Variants in PTPRN2 observed in about 807,000 individuals in gnomAD.
PTPRN2 encodes protein tyrosine phosphatase receptor type N2.
Under a neutral mutation model 118.8 loss-of-function variants are expected in PTPRN2, and 74 were observed. That is an observed-to-expected ratio of 0.62 (90% confidence interval 0.52 to 0.76). The LOEUF (loss-of-function observed/expected upper bound fraction) is 0.76, where lower values mean the gene tolerates loss of function less well. Ranked by LOEUF, PTPRN2 falls within the 30% of genes least tolerant of loss-of-function variation. The probability of loss-of-function intolerance (pLI) is 0.00; values close to 1 mark genes in which losing one functional copy is unlikely to be tolerated. For synonymous variants in PTPRN2, 641 were observed against 608.0 expected (o/e 1.05, Z -0.80); for missense variants, 1,481 against 1,394.4 (o/e 1.06, Z -0.99).
At position 158,327,324 on chromosome 7, in the gene PTPRN2, T is replaced by C. The variant is rs888767566; in HGVS notation, c.164-10392A>G. On this transcript the variant is annotated intron_variant, in intron 2 of 22. Coordinates refer to ENST00000389418, the MANE Select transcript of PTPRN2 (RefSeq NM_002847.5). ...ATTCTCACACATACACATTCTCACA[T>C]GCACACACGTGCTCACACATGCTCA... Among the ~76,000 whole-genome samples, 6 of 148,394 alleles carry C rather than the reference T, an allele frequency of 4.0e-5. No individual in the cohort carries two copies. In the East Asian group the frequency reaches 1.0e-3, roughly 25 times the overall value.
rs949255652 is a variant in PTPRN2 at position 158,248,239 on chromosome 7, T to C, written c.278-42966A>G. Reference sequence around the variant, plus strand: ...CTCAAACCATCGGGCTGGAGGCAAATGTCAGAGGAGAAAAGCCTTTGCTTT... The same window carrying C: ...CTCAAACCATCGGGCTGGAGGCAAACGTCAGAGGAGAAAAGCCTTTGCTTT... On this transcript the variant is annotated intron_variant, in intron 3 of 22. Coordinates refer to ENST00000389418, the MANE Select transcript of PTPRN2 (RefSeq NM_002847.5). Among the ~76,000 whole-genome samples, 9 of 152,142 alleles carry C rather than the reference T, an allele frequency of 5.9e-5. No homozygotes were observed. In the South Asian group the frequency reaches 1.7e-3, roughly 28 times the overall value.
intron 11 of PTPRN2, among the ~76,000 whole-genome samples, chr7:157,999,443 A>G (rs897259480): frequency 6.6e-5 from 10 of 152,194 alleles, no homozygotes; most frequent in African/African-American, 2.4e-4. Context: ...AAGCAGCCCA[A>G]TAAAGACCCG....
chr7:158,071,387 GGTGGAGGTGCTCGTGGTGGAGTTGCTCC>G (rs1811555685), intron 11 of PTPRN2, among the ~76,000 whole-genome samples: 9 of 106,538 alleles, frequency 8.4e-5, no homozygotes, highest in South Asian at 3.4e-4. Context: ...AGGTGCTCGT[GGTGGAGGTGCTCGTGGTGGAGTTGCTCC>G]TGGTGGTGGA....
chr7:157,920,187 TATGAACA>T (rs1464088972), intron 11 of PTPRN2, among the ~76,000 whole-genome samples: 11 of 152,244 alleles, frequency 7.2e-5, no homozygotes, highest in Middle Eastern at 3.4e-3. Flanking sequence ...GAAATTGAAC[TATGAACA>T]AAGAAAATAA....
chr7:158,248,614 G>A (rs1331104752), intron 3 of PTPRN2, among the ~76,000 whole-genome samples: 1 of 139,294 alleles, frequency 7.2e-6, no homozygotes, highest in South Asian at 2.3e-4. Flanking sequence ...TCACATACAT[G>A]CACATACACA....
chr7:158,150,051 G>A (rs1457847022), intron 6 of PTPRN2, among the ~76,000 whole-genome samples: 1 of 152,206 alleles, frequency 6.6e-6, no homozygotes, highest in Admixed American at 6.5e-5. Context: ...GGGCATGAAT[G>A]ATAAGAAAAC....
Position 158,407,125 on chromosome 7 carries a change from T to C in PTPRN2, c.163+82610A>G, listed in dbSNP as rs567667541. Among the ~76,000 whole-genome samples, 5 of 150,136 alleles carry C rather than the reference T, an allele frequency of 3.3e-5. No homozygotes were observed. The South Asian group carries it at 6.4e-4, about 19-fold the overall frequency. ...CCAGCCCTGGGTCCTGCGTCCTGGG[T>C]CCTGGGTCCTGCGTCCTGCGTCCTG... On this transcript the variant is annotated intron_variant, in intron 2 of 22. Coordinates refer to ENST00000389418, the MANE Select transcript of PTPRN2 (RefSeq NM_002847.5).
At chr7:158,005,290 T>TCTCG (rs1191482936) in intron 11 of PTPRN2, among the ~76,000 whole-genome samples, 1 of 152,048 alleles carries the variant, frequency 6.6e-6, no homozygotes, top group Admixed American at 6.6e-5. Flanking sequence ...GTCAGGCTGG[T>TCTCG]CTCGAACTCC....
intron 12 of PTPRN2, among the ~76,000 whole-genome samples, chr7:157,736,623 C>T (rs1455457395): frequency 6.6e-6 from 1 of 152,026 alleles, no homozygotes; most frequent in Non-Finnish European, 1.5e-5. Context: ...TTTAATGCAC[C>T]CAGTCTGTGG....
intron 2 of PTPRN2, among the ~76,000 whole-genome samples, chr7:158,457,314 C>T (rs1239536593): frequency 6.6e-6 from 1 of 152,186 alleles, no homozygotes; most frequent in East Asian, 1.9e-4. Context: ...GAGAAGAAAC[C>T]GTGTCCCTCC....
intron 11 of PTPRN2, among the ~76,000 whole-genome samples, chr7:158,055,487 C>A (rs145686031): frequency 2.6e-5 from 4 of 152,276 alleles, no homozygotes; most frequent in South Asian, 2.1e-4. Flanking sequence ...CAGGCCCACC[C>A]GCAGTTATCC....
At chr7:157,691,750 C>A (rs1300937905) in intron 12 of PTPRN2, among the ~76,000 whole-genome samples, 1 of 152,206 alleles carries the variant, frequency 6.6e-6, no homozygotes. Flanking sequence ...TCACAGGCCA[C>A]GCTCCCAGTC....
intron 3 of PTPRN2, among the ~76,000 whole-genome samples, chr7:158,308,017 C>T (rs188200809): frequency 2.2e-3 from 335 of 152,312 alleles, no homozygotes; most frequent in African/African-American, 7.4e-3. Flanking sequence ...TTACCTGATT[C>T]TGCCCCTCAA....
At position 158,489,774 on chromosome 7, in the gene PTPRN2, C is replaced by T; in HGVS notation, c.124G>A (p.Glu42Lys). 1.3e-6 allele frequency: 2 copies of T among 1,580,434 alleles called. No homozygotes were observed. The highest frequency in any genetic ancestry group is 8.6e-7 in the Non-Finnish European group (1 of 1,164,140). ...TCGGACGCTCCGCAGAGGCCCTCCT[C>T]GAGCAGGCAGCCTGCGGGGAAACAG... ...QLPGRLGCLLEEGLCGASEAC... is the reference protein window; with the variant it reads ...QLPGRLGCLLKEGLCGASEAC... Residue 42 changes from glutamate to lysine, a missense_variant, in exon 2 of 23, where the codon GAG (glutamate) becomes AAG (lysine). By Grantham distance (56) the Glu-to-Lys change is moderately conservative (BLOSUM62 1). Coordinates refer to ENST00000389418, the MANE Select transcript of PTPRN2 (RefSeq NM_002847.5).
chr7:157,771,158 T>C (rs1802779736), intron 12 of PTPRN2, among the ~76,000 whole-genome samples: 1 of 152,242 alleles, frequency 6.6e-6, no homozygotes, highest in South Asian at 2.1e-4. Context: ...CAGCCCTGGC[T>C]GAGCTCCACA....
intron 12 of PTPRN2, among the ~76,000 whole-genome samples, chr7:157,689,908 G>C (rs889214189): frequency 6.6e-6 from 1 of 152,222 alleles, no homozygotes; most frequent in Non-Finnish European, 1.5e-5. Context: ...ACCCTGGTGA[G>C]GAGGGTGAAG....
chr7:158,204,336 G>A (rs765825797), intron 4 of PTPRN2, among the ~76,000 whole-genome samples: 2 of 152,228 alleles, frequency 1.3e-5, no homozygotes, highest in Non-Finnish European at 2.9e-5. Flanking sequence ...CTGGGGGACG[G>A]TTACCAGTTC....
At chr7:157,970,645 C>A (rs552854872) in intron 11 of PTPRN2, among the ~76,000 whole-genome samples, 3 of 150,864 alleles carry the variant, frequency 2.0e-5, no homozygotes, top group African/African-American at 4.9e-5. Flanking sequence ...GACCCCCCCC[C>A]CCACAGGTTG....
At chr7:158,146,989 T>G (rs1820143532) in intron 6 of PTPRN2, among the ~76,000 whole-genome samples, 7 of 72,322 alleles carry the variant, frequency 9.7e-5, no homozygotes, top group Middle Eastern at 7.8e-3. Context: ...TCTTTCCCCC[T>G]CAATGACACC....
Sources: allele counts gnomAD v4.1 joint callset (sites outside exome capture counted in the v4.1 genomes callset), GRCh38; gene constraint gnomAD v4.1.1; transcripts MANE v1.5; gene names NCBI Gene and HGNC (gene_info 2026-07-23, HGNC 2026-07-21).